The following FMR1NB variants were observed in gnomAD, a reference collection of about 807,000 sequenced individuals.
FMR1NB encodes FMR1 neighbor.
A neutral mutation model predicts 16.8 loss-of-function variants in FMR1NB; 10 were observed. That is an observed-to-expected ratio of 0.60 (90% CI 0.37 to 1.01). FMR1NB has a LOEUF of 1.01. FMR1NB is among the 50% of genes least tolerant of loss of function. The pLI, the probability that FMR1NB is intolerant of heterozygous loss-of-function variation, is 0.01. For synonymous variants in FMR1NB, 83 were observed against 79.1 expected, an observed-to-expected ratio of 1.05 and a Z score of -0.26; for missense variants, 205 against 204.8, an observed-to-expected ratio of 1.00 and a Z score of 0.00.
chrX:148,005,348 A>T (rs782755623), intron 2 of FMR1NB, among the ~76,000 whole-genome samples: 3 of 111,443 alleles, frequency 2.7e-5, no homozygotes, highest in African/African-American at 9.8e-5. Context: ...AACAGTACCC[A>T]TGGTGAGAAA....
chrX:147,990,627 T>C (rs1259470658), intron 1 of FMR1NB, among the ~76,000 whole-genome samples: 1 of 111,421 alleles, frequency 9.0e-6, no homozygotes, highest in Non-Finnish European at 1.9e-5. Context: ...CTCTTCTAGC[T>C]ACTTTGAAAT....
At chrX:147,993,236 G>A (rs1351473485) in intron 1 of FMR1NB, among the ~76,000 whole-genome samples, 6 of 112,859 alleles carry the variant, frequency 5.3e-5, no homozygotes, top group East Asian at 2.8e-4. Flanking sequence ...CCAACACAGC[G>A]AAACCCCGTC....
At chrX:148,009,200 G>C (rs2124623017) in intron 4 of FMR1NB, among the ~76,000 whole-genome samples, 1 of 111,125 alleles carries the variant, frequency 9.0e-6, no homozygotes, top group Non-Finnish European at 1.9e-5. Context: ...AAAATAAAAT[G>C]CGTGTTATTT....
rs781902910 is a variant in FMR1NB, at chrX:147,981,683, A to C, written c.277+4A>C. 1 of 951,624 alleles carries C rather than the reference A, an allele frequency of 1.1e-6. No homozygotes were observed. Among genetic ancestry groups the C allele is most frequent in the African/African-American group, 2.5e-5 (1 of 39,804 alleles). 78.4% of individuals were successfully genotyped at this position (951,624 alleles called of 1,213,427 possible). Reference sequence around the variant, plus strand: ...CTGTCCTACTACCTGTGCTCCGGTGAGTGCTGGCTCAGGCCAGGCAGGGAA... The same window carrying C: ...CTGTCCTACTACCTGTGCTCCGGTGCGTGCTGGCTCAGGCCAGGCAGGGAA... On this transcript the variant is annotated splice_donor_region_variant and intron_variant, in intron 1 of 5. Coordinates refer to ENST00000370467, the MANE Select transcript of FMR1NB (RefSeq NM_152578.3).
At chrX:148,017,120 T>C in intron 4 of FMR1NB, among the ~76,000 whole-genome samples, 1 of 111,288 alleles carries the variant, frequency 9.0e-6, no homozygotes, top group South Asian at 3.8e-4. Context: ...GATATTTTCG[T>C]TGGACATACT....
intron 4 of FMR1NB, among the ~76,000 whole-genome samples, chrX:148,022,824 C>T (rs181278482): frequency 2.7e-5 from 3 of 110,413 alleles, no homozygotes; most frequent in African/African-American, 1.0e-4. Flanking sequence ...ATGTACATGA[C>T]CAAATTTAAA....
chrX:148,018,001 C>G (rs1162492855), intron 4 of FMR1NB, among the ~76,000 whole-genome samples: 1 of 106,058 alleles, frequency 9.4e-6, no homozygotes, highest in Admixed American at 1.0e-4. Flanking sequence ...AATAAACATA[C>G]GTGTGCATGT....
chrX:147,981,622 C>T lies in FMR1NB; in HGVS notation c.220C>T (p.Leu74Phe), dbSNP rs782556152. ...CAGCAAACCCTTTGGGATGCTCATG[C>T]TCTCCATTTGGATCCTGCTGTTCGT... ...RVSKPFGMLM[L>F]SIWILLFVCY... The change falls in exon 1 of 6, where the codon CTC (leucine) becomes TTC (phenylalanine). Residue 74 changes from leucine (L) to phenylalanine (F), a missense_variant. Transcript: ENST00000370467. 31 of 1,207,217 alleles carry T rather than the reference C, an allele frequency of 2.6e-5. No individual in the cohort carries two copies. Among genetic ancestry groups the T allele is most frequent in the Non-Finnish European group, 3.4e-5 (30 of 894,390 alleles).
At chrX:148,022,358 A>G (rs1188639285) in intron 4 of FMR1NB, among the ~76,000 whole-genome samples, 3 of 111,648 alleles carry the variant, frequency 2.7e-5, no homozygotes, top group South Asian at 3.8e-4. Context: ...GATTACCTCT[A>G]CTTGAACTCA....
intron 1 of FMR1NB, among the ~76,000 whole-genome samples, chrX:147,985,771 A>G (rs868911368): frequency 7.8e-4 from 88 of 112,271 alleles, no homozygotes; most frequent in African/African-American, 2.7e-3. Context: ...TAGTGCTGCA[A>G]TAAACATACA....
chrX:148,023,201 G>C (rs932348590), intron 4 of FMR1NB, among the ~76,000 whole-genome samples: 1 of 111,455 alleles, frequency 9.0e-6, no homozygotes, highest in East Asian at 2.8e-4. Context: ...CTGGCCCCAA[G>C]GTACTGAGAA....
intron 4 of FMR1NB, among the ~76,000 whole-genome samples, chrX:148,015,216 G>A (rs1233363278): frequency 9.0e-6 from 1 of 110,856 alleles, no homozygotes; most frequent in Non-Finnish European, 1.9e-5. Flanking sequence ...ATTCTCTCTT[G>A]TTTGCTTAGT....
intron 2 of FMR1NB, 103 bp from the exon 3 acceptor site, chrX:148,006,599 T>C (rs1307702958): frequency 5.4e-6 from 5 of 920,383 alleles, no homozygotes; most frequent in Non-Finnish European, 7.5e-6. Flanking sequence ...GTATATGCCA[T>C]TAAATGTTTG....
At chrX:148,025,062 G>A in intron 5 of FMR1NB, 49 bp downstream of exon 5, 1 of 1,140,694 alleles carries the variant, frequency 8.8e-7, no homozygotes, top group African/African-American at 1.8e-5. Context: ...TCTGATTCTT[G>A]TTAGCTTTAT....
intron 2 of FMR1NB, among the ~76,000 whole-genome samples, chrX:148,004,352 A>G (rs191949181): frequency 8.9e-6 from 1 of 112,457 alleles, no homozygotes; most frequent in Non-Finnish European, 1.9e-5. Context: ...TACATTGTAC[A>G]GACACTGAAG....
intron 4 of FMR1NB, among the ~76,000 whole-genome samples, chrX:148,023,081 G>A (rs2044687305): frequency 9.0e-6 from 1 of 111,248 alleles, no homozygotes; most frequent in South Asian, 3.8e-4. Context: ...ATGTTACTGT[G>A]TTTGATTATG....
chrX:148,015,021 G>A (rs1271802109), intron 4 of FMR1NB, among the ~76,000 whole-genome samples: 3 of 111,283 alleles, frequency 2.7e-5, no homozygotes, highest in African/African-American at 9.8e-5. Context: ...TGGTCTATTC[G>A]GGTTTTGGAT....
chrX:147,992,891 G>A (rs2044519609), intron 1 of FMR1NB, among the ~76,000 whole-genome samples: 1 of 94,846 alleles, frequency 1.1e-5, no homozygotes, highest in Non-Finnish European at 2.0e-5. Context: ...TCACTTCCTA[G>A]ATGGGATGGC....
intron 1 of FMR1NB, among the ~76,000 whole-genome samples, chrX:147,984,822 A>G (rs2044468116): frequency 8.9e-6 from 1 of 112,407 alleles, no homozygotes; most frequent in African/African-American, 3.2e-5. Flanking sequence ...TTATAATGTT[A>G]GCTGTTCATC....
Sources: gnomAD v4.1 joint callset for allele counts (sites outside exome capture counted in the v4.1 genomes callset) on GRCh38, gnomAD v4.1.1 for gene constraint, MANE v1.5 for transcripts, NCBI Gene and HGNC (gene_info 2026-07-23, HGNC 2026-07-21) for gene names.